The following PARD3 variants were observed in gnomAD, a reference collection of about 807,000 sequenced individuals.
PARD3 encodes partitioning defective 3 homolog.
Under a neutral mutation model 155.4 loss-of-function variants are expected in PARD3, and 75 were observed. The ratio of observed to expected loss-of-function variants is 0.48; its 90% CI spans 0.40 to 0.58. PARD3 has a LOEUF of 0.58. Among genes scored for constraint, PARD3 ranks in the 20% least tolerant of loss-of-function variants. The pLI is 0.00. For missense variants in PARD3, 1,642 were observed against 1,721.7 expected (o/e 0.95, Z 0.82); for synonymous variants, 576 against 610.5 (o/e 0.94, Z 0.83).
intron 4 of PARD3, among the ~76,000 whole-genome samples, chr10:34,455,537 C>A (rs899204329): frequency 2.6e-5 from 4 of 151,546 alleles, no homozygotes; most frequent in African/African-American, 9.7e-5. Context: ...GTTGCCGAGG[C>A]TGGAGCCTCG....
At chr10:34,665,718 G>A (rs1157865284) in intron 2 of PARD3, among the ~76,000 whole-genome samples, 1 of 150,624 alleles carries the variant, frequency 6.6e-6, no homozygotes, top group Non-Finnish European at 1.5e-5. Flanking sequence ...CGTGCCTATA[G>A]TTCCAGCTAC....
chr10:34,116,058 C>A (rs781690681), intron 24 of PARD3, among the ~76,000 whole-genome samples: 25 of 152,160 alleles, frequency 1.6e-4, no homozygotes, highest in Non-Finnish European at 3.1e-4. Flanking sequence ...GAAAAACAAA[C>A]AAAAATCCTA....
chr10:34,470,627 T>C (rs1251182323), intron 3 of PARD3, among the ~76,000 whole-genome samples: 1 of 152,128 alleles, frequency 6.6e-6, no homozygotes, highest in Non-Finnish European at 1.5e-5. Context: ...CTAAATAATA[T>C]AAAGGGGTTA....
chr10:34,284,545 C>G (rs578235180), intron 20 of PARD3, among the ~76,000 whole-genome samples: 2 of 152,268 alleles, frequency 1.3e-5, no homozygotes, highest in African/African-American at 4.8e-5. Flanking sequence ...ACAATTAATA[C>G]ATCTGTAGGA....
At chr10:34,525,803 C>T (rs1283683991) in intron 2 of PARD3, among the ~76,000 whole-genome samples, 7 of 151,756 alleles carry the variant, frequency 4.6e-5, no homozygotes, top group Admixed American at 3.3e-4. Flanking sequence ...CAAAAGTCCA[C>T]CAGGCATGGT....
chr10:34,495,779 G>A (rs940750309), intron 3 of PARD3, among the ~76,000 whole-genome samples: 3 of 151,734 alleles, frequency 2.0e-5, no homozygotes, highest in African/African-American at 4.8e-5. Flanking sequence ...TAATGCAACC[G>A]GCTGCAGTAA....
chr10:34,298,060 A>G (rs1457695850), intron 20 of PARD3, among the ~76,000 whole-genome samples: 11 of 152,172 alleles, frequency 7.2e-5, no homozygotes, highest in Non-Finnish European at 4.4e-5. Flanking sequence ...TTAAACCTCA[A>G]TTTCCTCTTT....
At chr10:34,344,642 G>C (rs1189079638) in intron 15 of PARD3, 2 of 985,128 alleles carry the variant, frequency 2.0e-6, no homozygotes, top group Non-Finnish European at 2.4e-6. Context: ...AATGTTTAAG[G>C]CTTTTCAAAG....
At chr10:34,770,456 G>A (rs746174691) in intron 1 of PARD3, among the ~76,000 whole-genome samples, 1 of 152,216 alleles carries the variant, frequency 6.6e-6, no homozygotes, top group Admixed American at 6.5e-5. Context: ...TTATCTGGAT[G>A]TGATGAAGTA....
chr10:34,699,042 G>A (rs927943127), intron 1 of PARD3, among the ~76,000 whole-genome samples: 1 of 152,132 alleles, frequency 6.6e-6, no homozygotes, highest in African/African-American at 2.4e-5. Context: ...AGCAGAATAT[G>A]TTACCCTCTC....
At chr10:34,439,209 C>T (rs896722012) in intron 5 of PARD3, among the ~76,000 whole-genome samples, 2 of 151,882 alleles carry the variant, frequency 1.3e-5, no homozygotes, top group African/African-American at 4.8e-5. Context: ...GTGGTGGGAA[C>T]CAGGCTTTCA....
At chr10:34,644,902 G>A (rs1357287088) in intron 2 of PARD3, among the ~76,000 whole-genome samples, 2 of 152,184 alleles carry the variant, frequency 1.3e-5, no homozygotes, top group Non-Finnish European at 2.9e-5. Context: ...CGCCCAGGCT[G>A]GAGTGCAATG....
chr10:34,121,586 C>G (rs1246447073), intron 23 of PARD3, among the ~76,000 whole-genome samples: 2 of 152,192 alleles, frequency 1.3e-5, no homozygotes, highest in African/African-American at 4.8e-5. Flanking sequence ...AGAATGGCTC[C>G]TATGGTTGGC....
intron 22 of PARD3, among the ~76,000 whole-genome samples, chr10:34,134,306 T>G (rs2132804008): frequency 6.6e-6 from 1 of 152,304 alleles, no homozygotes; most frequent in East Asian, 1.9e-4. Context: ...CTGGCATACT[T>G]TATAGCTTTT....
At chr10:34,455,732 T>A (rs542811443) in intron 4 of PARD3, among the ~76,000 whole-genome samples, 12 of 152,310 alleles carry the variant, frequency 7.9e-5, no homozygotes, top group South Asian at 2.1e-4. Context: ...GACTTTTTTT[T>A]AAATAAGGAA....
In PARD3 at chr10:34,382,555, T is replaced by C. The variant is rs1302091939; in HGVS notation, c.1384A>G (p.Ile462Val). 4 of 1,612,820 alleles carry C rather than the reference T, an allele frequency of 2.5e-6. No homozygotes were observed. In the African/African-American group the frequency reaches 5.3e-5, roughly 22 times the overall value. Residue 462 changes from isoleucine (I) to valine (V), a missense_variant, in exon 9 of 25, where the codon ATC (isoleucine) becomes GTC (valine). Ile to Val is a conservative substitution (Grantham distance 29, BLOSUM62 3). Transcript: ENST00000374788. ...NTKKIGKRLN[I>V]QLKKGTEGLG... ...TAGGTCGTACCTTTCTTAAGCTGGA[T>C]ATTAAGCCTCTTGCCTATTTTTTTG... is the stretch of plus-strand genomic sequence containing the variant.
intron 1 of PARD3, among the ~76,000 whole-genome samples, chr10:34,789,878 T>C (rs1486484831): frequency 1.3e-5 from 2 of 152,252 alleles, no homozygotes. Context: ...ACAATAAGTA[T>C]GAATTTATTT....
chr10:34,434,692 T>C (rs1254702838), intron 5 of PARD3, among the ~76,000 whole-genome samples: 1 of 152,102 alleles, frequency 6.6e-6, no homozygotes, highest in African/African-American at 2.4e-5. Context: ...ACTTTGGAAG[T>C]AGTAATGAAG....
In PARD3 at chr10:34,651,011, C is replaced by CAAAAAAAAAAAAAAAA. The variant is rs60113552; in HGVS notation, c.222+45291_222+45306dup. Among the ~76,000 whole-genome samples, 8 of 44,546 alleles carry CAAAAAAAAAAAAAAAA rather than the reference C, an allele frequency of 1.8e-4. 1 individual carries two copies. The highest frequency in any genetic ancestry group is 2.1e-3 in the East Asian group (2 of 940). The allele number at this position is 44,546 out of a possible 152,430, so 29.2% of individuals were successfully genotyped here. ...GGGCAACAAGAACGAAACTCTGTCT[C>CAAAAAAAAAAAAAAAA]AAAAAAAAAAAAAAAAAAAAAAAAA... On this transcript the variant is annotated intron_variant, in intron 2 of 24. Transcript: ENST00000374788.
Sources: gnomAD v4.1 joint callset for allele counts (sites outside exome capture counted in the v4.1 genomes callset) on GRCh38, gnomAD v4.1.1 for gene constraint, MANE v1.5 for transcripts, NCBI Gene and HGNC (gene_info 2026-07-23, HGNC 2026-07-21) for gene names.